Variants in SEC31A observed in about 807,000 individuals in gnomAD.
SEC31A encodes SEC31 homolog A, COPII component, also known as protein transport protein Sec31A.
A neutral mutation model predicts 151.0 loss-of-function variants in SEC31A; 70 were observed. The ratio of observed to expected loss-of-function variants is 0.46; its 90% confidence interval spans 0.38 to 0.57. The LOEUF is 0.57. Ranked by LOEUF, SEC31A falls within the 20% of genes least tolerant of loss-of-function variation. The probability of loss-of-function intolerance (pLI) is 0.00; values close to 1 mark genes in which losing one functional copy is unlikely to be tolerated. For missense variants in SEC31A, 1,330 were observed against 1,471.2 expected (o/e 0.90, Z 1.57); for synonymous variants, 475 against 505.9 (o/e 0.94, Z 0.82).
chr4:82,857,341 C>T (rs1373992157), intron 15 of SEC31A, among the ~76,000 whole-genome samples: 3 of 77,886 alleles, frequency 3.9e-5, no homozygotes, highest in African/African-American at 8.5e-5. Flanking sequence ...CAAAATAATA[C>T]ATTTTCCAGA....
chr4:82,842,682 A>C, intron 21 of SEC31A: 1 of 519,664 alleles, frequency 1.9e-6, no homozygotes, highest in Non-Finnish European at 3.4e-6. Context: ...CAGTATTTGA[A>C]AAATGCCATC....
intron 25 of SEC31A, among the ~76,000 whole-genome samples, chr4:82,824,197 CTTTTA>C (rs1560579477): frequency 1.3e-5 from 2 of 152,036 alleles, no homozygotes; most frequent in Non-Finnish European, 2.9e-5. Flanking sequence ...ATAAAGAATT[CTTTTA>C]TTTTATTATA....
chr4:82,846,044 G>A (rs1730059834), intron 20 of SEC31A, among the ~76,000 whole-genome samples: 1 of 151,832 alleles, frequency 6.6e-6, no homozygotes, highest in Non-Finnish European at 1.5e-5. Flanking sequence ...TCACTCTGTC[G>A]CTAGGCTGAA....
intron 10 of SEC31A, among the ~76,000 whole-genome samples, chr4:82,865,581 T>C (rs866579402): frequency 5.7e-4 from 55 of 96,468 alleles, no homozygotes; most frequent in Middle Eastern, 0.012. Context: ...TATATATATA[T>C]ATACAATGCA....
intron 16 of SEC31A, among the ~76,000 whole-genome samples, chr4:82,856,435 C>T (rs1457783823): frequency 6.6e-6 from 1 of 151,636 alleles, no homozygotes; most frequent in African/African-American, 2.4e-5. Flanking sequence ...AGGCGTGAGC[C>T]ACTGCGCCCA....
At chr4:82,851,387 A>G (rs1731420114) in intron 19 of SEC31A, 44 bp downstream of exon 19, 1 of 1,499,028 alleles carries the variant, frequency 6.7e-7, no homozygotes, top group East Asian at 2.3e-5. Flanking sequence ...TATCTACTGG[A>G]CTCACCTTAC....
chr4:82,890,906 CA>C (rs1320836010), intron 1 of SEC31A, 181 bp downstream of exon 1: 30 of 1,413,140 alleles, frequency 2.1e-5, no homozygotes, highest in Admixed American at 2.9e-5. Context: ...CACTGGAGTC[CA>C]GATGCCAGGC....
At chr4:82,856,682 T>G (rs1038097534) in intron 16 of SEC31A, among the ~76,000 whole-genome samples, 22 of 151,876 alleles carry the variant, frequency 1.4e-4, no homozygotes, top group Non-Finnish European at 5.9e-5. Context: ...ACCCAGAAGG[T>G]GGAGGTTGCA....
At chr4:82,868,335 C>A (rs927622358) in intron 8 of SEC31A, among the ~76,000 whole-genome samples, 3 of 151,530 alleles carry the variant, frequency 2.0e-5, no homozygotes, top group Non-Finnish European at 2.9e-5. Context: ...CCCATCTCTA[C>A]AAAAAAATAC....
At chr4:82,859,331 C>T (rs1276290891) in intron 14 of SEC31A, among the ~76,000 whole-genome samples, 1 of 152,130 alleles carries the variant, frequency 6.6e-6, no homozygotes, top group African/African-American at 2.4e-5. Flanking sequence ...AAACTCAATG[C>T]TTTCTTTAGA....
At chr4:82,895,676 T>A (rs1720032393), upstream of SEC31A, 1 of 152,228 alleles carries the variant, frequency 6.6e-6, no homozygotes, top group Non-Finnish European at 1.5e-5. Context: ...TCAAAATAAA[T>A]GTGTAAGTCC....
chr4:82,879,052 A>C, intron 3 of SEC31A, 124 bp from the exon 4 acceptor site: 1 of 676,658 alleles, frequency 1.5e-6, no homozygotes, highest in African/African-American at 1.8e-5. Flanking sequence ...CTTTCCCACC[A>C]CTCCTGGTAA....
intron 2 of SEC31A, 73 bp downstream of exon 2, chr4:82,881,783 GCT>G: frequency 8.7e-7 from 1 of 1,155,592 alleles, no homozygotes; most frequent in Non-Finnish European, 1.3e-6. Context: ...AGAAGATAAA[GCT>G]TAAACTGAAT....
At chr4:82,828,456 T>C (rs1446714690) in intron 23 of SEC31A, among the ~76,000 whole-genome samples, 3 of 151,750 alleles carry the variant, frequency 2.0e-5, no homozygotes, top group Non-Finnish European at 2.9e-5. Flanking sequence ...ATTAGTATAG[T>C]TGGGGAAAGA....
chr4:82,824,106 A>C (rs1333839271), intron 25 of SEC31A, among the ~76,000 whole-genome samples: 2 of 152,234 alleles, frequency 1.3e-5, no homozygotes, highest in African/African-American at 4.8e-5. Flanking sequence ...CAAACTATGT[A>C]AGTGCTAGCT....
At chr4:82,826,029 T>C (rs1724470019) in intron 24 of SEC31A, among the ~76,000 whole-genome samples, 1 of 152,170 alleles carries the variant, frequency 6.6e-6, no homozygotes, top group Admixed American at 6.5e-5. Flanking sequence ...GTTTTGGACA[T>C]GCTGAGGTTG....
intron 22 of SEC31A, among the ~76,000 whole-genome samples, chr4:82,837,063 A>C (rs181884648): frequency 1.3e-3 from 201 of 150,548 alleles, no homozygotes; most frequent in African/African-American, 4.8e-3. Context: ...TATGTACCCC[A>C]AAAATTTTTT....
intron 19 of SEC31A, among the ~76,000 whole-genome samples, chr4:82,850,091 C>T (rs541542532): frequency 8.8e-5 from 13 of 147,480 alleles, no homozygotes; most frequent in Non-Finnish European, 1.9e-4. Context: ...TGCTTTTTGG[C>T]CTAAAGAATG....
intron 16 of SEC31A, among the ~76,000 whole-genome samples, chr4:82,856,159 G>A (rs577651752): frequency 2.1e-4 from 32 of 150,754 alleles, no homozygotes; most frequent in Admixed American, 1.6e-3. Context: ...AAAATTTTGG[G>A]TTTTTTTTTG....
Sources: gnomAD v4.1 joint callset for allele counts (sites outside exome capture counted in the v4.1 genomes callset) on GRCh38, gnomAD v4.1.1 for gene constraint, MANE v1.5 for transcripts, NCBI Gene and HGNC (gene_info 2026-07-23, HGNC 2026-07-21) for gene names.